Variants in CCBE1 observed in about 807,000 individuals in gnomAD.
CCBE1 encodes the protein collagen and calcium-binding EGF domain-containing protein 1.
In CCBE1, 37 loss-of-function variants were observed where a neutral mutation model predicts 50.0. That is an observed-to-expected ratio of 0.74 (90% CI 0.57 to 0.97). The LOEUF is 0.97. Among genes scored for constraint, CCBE1 ranks in the 50% least tolerant of loss-of-function variants. The probability of loss-of-function intolerance (pLI) is 0.00; values close to 1 mark genes in which losing one functional copy is unlikely to be tolerated. For missense variants in CCBE1, 538 were observed against 523.8 expected (o/e 1.03, Z -0.26); for synonymous variants, 234 against 203.7 (o/e 1.15, Z -1.27).
At chr18:59,614,548 G>A (rs1399553990) in intron 2 of CCBE1, among the ~76,000 whole-genome samples, 1 of 152,202 alleles carries the variant, frequency 6.6e-6, no homozygotes, top group Admixed American at 6.5e-5. Context: ...AGGATCAGGA[G>A]CAGCAGACGG....
At chr18:59,611,697 G>T (rs1306670068) in intron 2 of CCBE1, among the ~76,000 whole-genome samples, 3 of 152,116 alleles carry the variant, frequency 2.0e-5, no homozygotes, top group African/African-American at 7.2e-5. Flanking sequence ...AGTGAACCAA[G>T]ATTGTGCCAC....
intron 7 of CCBE1, among the ~76,000 whole-genome samples, chr18:59,445,827 T>C (rs951063495): frequency 4.6e-5 from 7 of 152,208 alleles, no homozygotes. Flanking sequence ...GTATGTCAAG[T>C]GCCTTTGAAA....
chr18:59,438,163 C>T lies in CCBE1; in HGVS notation c.952-17G>A, dbSNP rs1263824257. Reference sequence around the variant, plus strand: ...TCTCTCCCCCTAAAAACAGAAAGGCCAGGGTTAGCTTTCTAGAGCACATGG... The same window carrying T: ...TCTCTCCCCCTAAAAACAGAAAGGCTAGGGTTAGCTTTCTAGAGCACATGG... On this transcript the variant is annotated splice_polypyrimidine_tract_variant and intron_variant, in intron 9 of 10. Transcript: ENST00000439986. 4 of 1,613,852 alleles carry T rather than the reference C, an allele frequency of 2.5e-6. No individual in the cohort carries two copies. Among genetic ancestry groups the T allele is most frequent in the Non-Finnish European group, 3.4e-6 (4 of 1,179,822 alleles).
intron 2 of CCBE1, among the ~76,000 whole-genome samples, chr18:59,532,599 T>A (rs1016052443): frequency 2.0e-5 from 3 of 152,258 alleles, no homozygotes; most frequent in Admixed American, 2.0e-4. Flanking sequence ...TCTCATATGT[T>A]GTCCCATGTC....
intron 2 of CCBE1, among the ~76,000 whole-genome samples, chr18:59,497,929 C>G (rs925556155): frequency 3.3e-5 from 5 of 152,202 alleles, no homozygotes; most frequent in African/African-American, 1.2e-4. Flanking sequence ...CTGTCCAGGG[C>G]TCTAAACAAA....
intron 2 of CCBE1, among the ~76,000 whole-genome samples, chr18:59,572,631 T>C (rs1005089927): frequency 2.0e-5 from 3 of 152,224 alleles, no homozygotes; most frequent in Non-Finnish European, 2.9e-5. Flanking sequence ...ATAATTTCTA[T>C]TGGTTGGTTA....
chr18:59,476,402 A>T (rs1416036784), intron 3 of CCBE1, among the ~76,000 whole-genome samples: 2 of 152,104 alleles, frequency 1.3e-5, no homozygotes, highest in South Asian at 2.1e-4. Context: ...AGTAGAACAA[A>T]TGAGATCATC....
intron 2 of CCBE1, among the ~76,000 whole-genome samples, chr18:59,512,071 A>T (rs889910115): frequency 6.6e-6 from 1 of 152,174 alleles, no homozygotes; most frequent in Non-Finnish European, 1.5e-5. Flanking sequence ...ACAAGTTTCT[A>T]CTTCCAGCAA....
intron 2 of CCBE1, among the ~76,000 whole-genome samples, chr18:59,629,412 A>G (rs563226858): frequency 6.6e-6 from 1 of 152,222 alleles, no homozygotes; most frequent in South Asian, 2.1e-4. Context: ...TCATCATTTC[A>G]TCTTCCTAAT....
At chr18:59,451,355 G>A (rs1440150330) in intron 6 of CCBE1, among the ~76,000 whole-genome samples, 6 of 148,274 alleles carry the variant, frequency 4.0e-5, no homozygotes, top group African/African-American at 1.5e-4. Flanking sequence ...TCCTTCTGGA[G>A]TCTCCCTTCC....
intron 2 of CCBE1, among the ~76,000 whole-genome samples, chr18:59,554,256 G>A (rs1916030457): frequency 6.6e-6 from 1 of 152,188 alleles, no homozygotes; most frequent in African/African-American, 2.4e-5. Flanking sequence ...TGAGATTACA[G>A]ACATGAGCCA....
chr18:59,517,012 C>A (rs1295382033), intron 2 of CCBE1, among the ~76,000 whole-genome samples: 2 of 152,172 alleles, frequency 1.3e-5, no homozygotes, highest in Non-Finnish European at 1.5e-5. Context: ...ACTTGTATAT[C>A]ACTTCTTCTT....
chr18:59,584,491 A>G (rs191176702), intron 2 of CCBE1, among the ~76,000 whole-genome samples: 5 of 149,832 alleles, frequency 3.3e-5, no homozygotes, highest in Non-Finnish European at 7.4e-5. Flanking sequence ...CCGAAAACTT[A>G]AAGTATAATA....
At chr18:59,502,330 G>T (rs923394395) in intron 2 of CCBE1, among the ~76,000 whole-genome samples, 2 of 152,214 alleles carry the variant, frequency 1.3e-5, no homozygotes, top group African/African-American at 2.4e-5. Context: ...GTGGGACACA[G>T]GCACGGGTTT....
intron 2 of CCBE1, among the ~76,000 whole-genome samples, chr18:59,579,036 G>A (rs568685285): frequency 9.2e-5 from 14 of 152,030 alleles, no homozygotes; most frequent in African/African-American, 1.4e-4. Context: ...TCAAATTACT[G>A]GCTTAAAGAC....
Position 59,466,820 on chromosome 18 carries a change from G to C in CCBE1, c.472C>G (p.Arg158Gly), listed in dbSNP as rs121908253. 1 of 1,613,426 alleles carries C rather than the reference G, an allele frequency of 6.2e-7. No homozygotes were observed. The highest frequency in any genetic ancestry group is 8.5e-7 in the Non-Finnish European group (1 of 1,179,640). The part of the protein sequence containing the change: ...HICINTLGSY[R>G]CECREGYIRE... ...ATGTAGCCTTCCCGGCACTCGCAGCGGTAGCTGCCCAAGGTATTGATGCAG... is the reference window on the plus strand; with the variant it reads ...ATGTAGCCTTCCCGGCACTCGCAGCCGTAGCTGCCCAAGGTATTGATGCAG... Residue 158 changes from arginine (R) to glycine (G), a missense_variant, in exon 5 of 11, where the codon CGC becomes GGC. Physicochemically the swap from Arg to Gly is moderately radical, Grantham distance 125 (BLOSUM62 -2). Coordinates refer to ENST00000439986, the MANE Select transcript of CCBE1 (RefSeq NM_133459.4).
intron 2 of CCBE1, among the ~76,000 whole-genome samples, chr18:59,687,351 C>A (rs953140043): frequency 6.6e-6 from 1 of 152,148 alleles, no homozygotes; most frequent in African/African-American, 2.4e-5. Flanking sequence ...GTCCACATAA[C>A]GTTAAATTTT....
intron 2 of CCBE1, among the ~76,000 whole-genome samples, chr18:59,485,574 G>C (rs7228043): frequency 7.4e-6 from 1 of 134,662 alleles, no homozygotes; most frequent in African/African-American, 2.9e-5. Flanking sequence ...TCATGCGCCA[G>C]ATATATCAGA....
intron 2 of CCBE1, among the ~76,000 whole-genome samples, chr18:59,688,824 TAA>T (rs952208641): frequency 6.6e-6 from 1 of 151,948 alleles, no homozygotes; most frequent in African/African-American, 2.4e-5. Flanking sequence ...CACTGTAATA[TAA>T]ATAAGGTGAT....
Sources: allele counts gnomAD v4.1 joint callset (sites outside exome capture counted in the v4.1 genomes callset), GRCh38; gene constraint gnomAD v4.1.1; transcripts MANE v1.5; gene names NCBI Gene and HGNC (gene_info 2026-07-23, HGNC 2026-07-21).